DLG2: variants seen among roughly 807,000 people sequenced by gnomAD.
DLG2 encodes disks large homolog 2.
In DLG2, 45 loss-of-function variants were observed where a neutral mutation model predicts 132.5. That is an observed-to-expected ratio of 0.34 (90% CI 0.27 to 0.44). The LOEUF is 0.44. DLG2 is among the 20% of genes least tolerant of loss of function. The probability of loss-of-function intolerance (pLI) is 1.00; values close to 1 mark genes in which losing one functional copy is unlikely to be tolerated. For missense variants in DLG2, 1,045 were observed against 1,196.9 expected (o/e 0.87, Z 1.87); for synonymous variants, 424 against 419.6 (o/e 1.01, Z -0.13).
intron 6 of DLG2, among the ~76,000 whole-genome samples, chr11:84,757,528 G>C (rs1478351358): frequency 6.6e-6 from 1 of 152,074 alleles, no homozygotes; most frequent in Admixed American, 6.6e-5. Flanking sequence ...TGTTGCCTGA[G>C]GCTGACCAAC....
At chr11:84,518,052 C>A (rs536944664) in intron 7 of DLG2, among the ~76,000 whole-genome samples, 33 of 151,716 alleles carry the variant, frequency 2.2e-4, no homozygotes, top group African/African-American at 8.0e-4. Flanking sequence ...AAATTTTACT[C>A]AGAATAAATA....
chr11:84,771,957 A>G lies in DLG2; in HGVS notation c.358-237226T>C, dbSNP rs138048582. Among the ~76,000 whole-genome samples, 343 of 152,254 alleles carry G rather than the reference A, an allele frequency of 2.3e-3. 2 individuals are homozygous for G. The highest frequency in any genetic ancestry group is 8.0e-3 in the African/African-American group (334 of 41,560). ...AGCTAAGAGCCAAATCAAAAACACA[A>G]TCCCATTGACAATAGCTACACCCAA... On this transcript the variant is annotated intron_variant, in intron 6 of 27. Transcript: ENST00000376104.
intron 3 of DLG2, among the ~76,000 whole-genome samples, chr11:85,325,132 A>G (rs1301481788): frequency 1.0e-4 from 14 of 134,744 alleles, no homozygotes; most frequent in Non-Finnish European, 1.6e-4. Flanking sequence ...CGCCCACGGA[A>G]TCTCGCTGAT....
chr11:84,192,017 T>C (rs1048080087), intron 8 of DLG2, among the ~76,000 whole-genome samples: 1 of 152,130 alleles, frequency 6.6e-6, no homozygotes, highest in Non-Finnish European at 1.5e-5. Flanking sequence ...AATAGCACTA[T>C]ACAGATTTGC....
intron 4 of DLG2, among the ~76,000 whole-genome samples, chr11:85,242,359 T>C (rs1022841293): frequency 3.3e-5 from 5 of 151,994 alleles, no homozygotes; most frequent in African/African-American, 9.7e-5. Flanking sequence ...TTTTCTATTA[T>C]GTATCTTGGT....
At chr11:84,375,040 T>A (rs1056956982) in intron 7 of DLG2, among the ~76,000 whole-genome samples, 1 of 152,168 alleles carries the variant, frequency 6.6e-6, no homozygotes, top group Non-Finnish European at 1.5e-5. Flanking sequence ...TTATATTCAA[T>A]ACCCAAATTT....
chr11:84,105,114 AG>A (rs35867068), intron 9 of DLG2, among the ~76,000 whole-genome samples: 1 of 152,156 alleles, frequency 6.6e-6, no homozygotes, highest in South Asian at 2.1e-4. Flanking sequence ...ATGCAATGGT[AG>A]GGAAGTAATA....
At chr11:84,094,299 A>G (rs1458789194) in intron 10 of DLG2, among the ~76,000 whole-genome samples, 1 of 152,200 alleles carries the variant, frequency 6.6e-6, no homozygotes, top group Non-Finnish European at 1.5e-5. Flanking sequence ...CTAATGTGCC[A>G]GAAAATGACT....
intron 6 of DLG2, among the ~76,000 whole-genome samples, chr11:85,042,290 C>T (rs1029721912): frequency 7.9e-5 from 12 of 151,920 alleles, no homozygotes; most frequent in Non-Finnish European, 1.8e-4. Flanking sequence ...TATCCAAAGG[C>T]ACAGCTTGAA....
chr11:84,362,194 G>C (rs2098653553), intron 7 of DLG2, among the ~76,000 whole-genome samples: 2 of 151,878 alleles, frequency 1.3e-5, no homozygotes, highest in African/African-American at 2.4e-5. Flanking sequence ...CAAGGATATA[G>C]GCTTTATCTG....
chr11:84,142,678 A>G (rs2094905680), intron 9 of DLG2, among the ~76,000 whole-genome samples: 1 of 152,136 alleles, frequency 6.6e-6, no homozygotes, highest in South Asian at 2.1e-4. Context: ...GAGGAAGGAC[A>G]AATTTGCTCT....
intron 3 of DLG2, among the ~76,000 whole-genome samples, chr11:85,589,623 G>C (rs1304980324): frequency 6.6e-6 from 1 of 152,064 alleles, no homozygotes; most frequent in Non-Finnish European, 1.5e-5. Context: ...AGGAAAGTGA[G>C]GGAAAGCCAG....
intron 11 of DLG2, among the ~76,000 whole-genome samples, chr11:83,987,146 G>C (rs35704316): frequency 0.022 from 3,364 of 152,114 alleles, 68 homozygotes; most frequent in Middle Eastern, 0.034. Context: ...CAAGGGACAC[G>C]AAGGACCTCT....
At chr11:85,321,615 G>A in intron 3 of DLG2, among the ~76,000 whole-genome samples, 1 of 152,086 alleles carries the variant, frequency 6.6e-6, no homozygotes, top group East Asian at 1.9e-4. Context: ...GGAAGATCTA[G>A]GTAAGATGAC....
chr11:84,099,249 A>G (rs1403211791), intron 9 of DLG2, among the ~76,000 whole-genome samples: 3 of 151,878 alleles, frequency 2.0e-5, no homozygotes, highest in Non-Finnish European at 4.4e-5. Flanking sequence ...TAAGAATGCA[A>G]GAGCATTATA....
chr11:85,066,559 T>C lies in DLG2; in HGVS notation c.357+45102A>G, dbSNP rs111562482. On this transcript the variant is annotated intron_variant, in intron 6 of 27. Coordinates refer to ENST00000376104, the MANE Select transcript of DLG2 (RefSeq NM_001142699.3). ...AAATTCTCAACAAAATACTAGCAAA[T>C]TGAATCCAACAGCAAATTAAAAAGA... 5.4e-3 allele frequency among the ~76,000 whole-genome samples: 822 copies of C among 151,550 alleles called. 5 individuals carry two copies. Among genetic ancestry groups the C allele is most frequent in the African/African-American group, 0.019 (769 of 41,384 alleles).
intron 3 of DLG2, among the ~76,000 whole-genome samples, chr11:85,447,084 C>A (rs17743426): frequency 0.035 from 5,337 of 152,028 alleles, 146 homozygotes; most frequent in Admixed American, 0.051. Flanking sequence ...AATTAAAGAC[C>A]AACTGTACAG....
At chr11:84,254,572 T>A (rs1238128350) in intron 7 of DLG2, among the ~76,000 whole-genome samples, 1 of 152,234 alleles carries the variant, frequency 6.6e-6, no homozygotes, top group Non-Finnish European at 1.5e-5. Context: ...TCTAAAGAAC[T>A]GGAACCCCAA....
intron 19 of DLG2, among the ~76,000 whole-genome samples, chr11:83,569,026 A>C (rs2096755015): frequency 6.6e-6 from 1 of 152,180 alleles, no homozygotes. Flanking sequence ...TCAAAGGAAT[A>C]ATGTTGGTTT....
Sources: gnomAD v4.1 joint callset for allele counts (sites outside exome capture counted in the v4.1 genomes callset) on GRCh38, gnomAD v4.1.1 for gene constraint, MANE v1.5 for transcripts, NCBI Gene and HGNC (gene_info 2026-07-23, HGNC 2026-07-21) for gene names.